The following FBXO36 variants were observed in gnomAD, a reference collection of about 807,000 sequenced individuals.
The protein encoded by FBXO36 is F-box only protein 36.
FBXO36 carries 18 observed loss-of-function variants against 17.0 expected under a neutral mutation model. The ratio of observed to expected loss-of-function variants is 1.06; its 90% CI spans 0.73 to 1.57. The LOEUF is 1.57. Among genes scored for constraint, FBXO36 ranks in the 40% most tolerant of loss-of-function variants. FBXO36 has a pLI of 0.00. For missense variants in FBXO36, 229 were observed against 221.9 expected, an observed-to-expected ratio of 1.03 and a Z score of -0.20; for synonymous variants, 83 against 85.3, an observed-to-expected ratio of 0.97 and a Z score of 0.15.
intron 2 of FBXO36, among the ~76,000 whole-genome samples, chr2:229,990,407 G>C (rs1366576947): frequency 4.0e-5 from 6 of 151,622 alleles, no homozygotes; most frequent in African/African-American, 1.5e-4. Context: ...TCAGGTTAAG[G>C]ATGTTCCCTT....
intron 1 of FBXO36, among the ~76,000 whole-genome samples, chr2:229,924,833 A>G (rs2076899069): frequency 6.6e-6 from 1 of 151,606 alleles, no homozygotes; most frequent in African/African-American, 2.4e-5. Flanking sequence ...CAGTGGCTCA[A>G]TCTCAGCTCA....
chr2:229,989,176 T>C (rs2077285584), intron 2 of FBXO36, among the ~76,000 whole-genome samples: 1 of 152,228 alleles, frequency 6.6e-6, no homozygotes, highest in African/African-American at 2.4e-5. Context: ...TTCTTGACTT[T>C]CGTCAACTTT....
chr2:229,987,083 G>T (rs1256556672), intron 2 of FBXO36, among the ~76,000 whole-genome samples: 1 of 151,550 alleles, frequency 6.6e-6, no homozygotes, highest in Non-Finnish European at 1.5e-5. Context: ...AGCCAGGCGT[G>T]TTGGCGCACA....
At chr2:229,951,562 A>G (rs887193265) in intron 1 of FBXO36, among the ~76,000 whole-genome samples, 1 of 152,222 alleles carries the variant, frequency 6.6e-6, no homozygotes, top group Non-Finnish European at 1.5e-5. Flanking sequence ...TTTTTTGTAA[A>G]GCATTAAAGC....
intron 1 of FBXO36, among the ~76,000 whole-genome samples, chr2:229,933,643 C>T (rs2076950214): frequency 6.6e-6 from 1 of 152,112 alleles, no homozygotes; most frequent in African/African-American, 2.4e-5. Flanking sequence ...AAAGCTTGAG[C>T]TCAAGAGTTG....
At position 230,010,624 on chromosome 2, in the gene FBXO36, C is replaced by G. The variant is rs2077410667; in HGVS notation, c.379-72C>G. 4 of 1,385,596 alleles carry G rather than the reference C, an allele frequency of 2.9e-6. No homozygotes were observed. The South Asian group carries it at 4.4e-5, about 15-fold the overall frequency. 85.8% of individuals were successfully genotyped at this position (1,385,596 alleles called of 1,614,324 possible). A position where few individuals can be genotyped will look rare whatever the true frequency, so the allele number is the denominator to read the frequency against. ...CAGGTAGTGTTTCTCCAGTGTCCCA[C>G]AGGCAGCAAGAGTTTGATAATGAGT... On this transcript the variant is annotated intron_variant, in intron 3 of 3. Coordinates refer to ENST00000283946, the MANE Select transcript of FBXO36 (RefSeq NM_174899.5).
chr2:229,988,397 A>T (rs969563069), intron 2 of FBXO36, among the ~76,000 whole-genome samples: 30 of 152,160 alleles, frequency 2.0e-4, no homozygotes, highest in Non-Finnish European at 2.9e-5. Flanking sequence ...AAATATGTTT[A>T]TATTCTGGTA....
At chr2:229,986,300 C>T (rs902535118) in intron 2 of FBXO36, among the ~76,000 whole-genome samples, 6 of 151,942 alleles carry the variant, frequency 3.9e-5, no homozygotes, top group African/African-American at 1.5e-4. Flanking sequence ...AAGCAGTTCA[C>T]GACCAGTCTG....
intron 1 of FBXO36, among the ~76,000 whole-genome samples, chr2:229,931,162 A>C (rs555590413): frequency 6.6e-6 from 1 of 152,318 alleles, no homozygotes; most frequent in African/African-American, 2.4e-5. Flanking sequence ...TAAGGTGATT[A>C]AACTCTTAAA....
rs73103569 is a variant in FBXO36 at position 229,955,841 on chromosome 2, A to G, written c.97-20400A>G. Among the ~76,000 whole-genome samples, 845 of 152,336 alleles carry G rather than the reference A, an allele frequency of 5.5e-3. 11 individuals carry two copies. The highest frequency in any genetic ancestry group is 0.018 in the African/African-American group (758 of 41,578). On this transcript the variant is annotated intron_variant, in intron 1 of 3. Transcript: ENST00000283946. ...AAAGTTAAGGCTTTCTGTCATTCCT[A>G]TAAGGTCACATGTTTAACAGGTTTA...
chr2:229,946,724 A>G (rs771582611), intron 1 of FBXO36, among the ~76,000 whole-genome samples: 1 of 152,222 alleles, frequency 6.6e-6, no homozygotes, highest in Non-Finnish European at 1.5e-5. Flanking sequence ...CTTCTAATGT[A>G]AGCTGTGTAG....
At chr2:229,926,125 TAAAA>T (rs34162848) in intron 1 of FBXO36, among the ~76,000 whole-genome samples, 1 of 103,450 alleles carries the variant, frequency 9.7e-6, no homozygotes, top group Non-Finnish European at 2.0e-5. Context: ...CCCCTTCTCT[TAAAA>T]AAAAAAAAAA....
intron 2 of FBXO36, among the ~76,000 whole-genome samples, chr2:229,981,701 CAAAAAAAA>C (rs11326626): frequency 9.7e-6 from 1 of 103,202 alleles, no homozygotes; most frequent in African/African-American, 3.7e-5. Context: ...GACCCTGTCT[CAAAAAAAA>C]AAAAAAAAGA....
At chr2:229,927,554 T>C (rs2076919518) in intron 1 of FBXO36, among the ~76,000 whole-genome samples, 1 of 152,136 alleles carries the variant, frequency 6.6e-6, no homozygotes, top group African/African-American at 2.4e-5. Flanking sequence ...AATAATGGTA[T>C]GCTAAGTAGA....
intron 2 of FBXO36, among the ~76,000 whole-genome samples, chr2:229,995,879 T>G (rs2077324482): frequency 6.6e-6 from 1 of 151,272 alleles, no homozygotes; most frequent in South Asian, 2.1e-4. Context: ...GGGGTGAGCC[T>G]CCGTGCCCAG....
At chr2:229,939,624 G>A (rs1477143070) in intron 1 of FBXO36, among the ~76,000 whole-genome samples, 3 of 151,910 alleles carry the variant, frequency 2.0e-5, no homozygotes, top group African/African-American at 7.2e-5. Context: ...AAAAGAGAGA[G>A]AAATAGATTG....
chr2:229,923,990 T>C (rs1001671870), intron 1 of FBXO36, among the ~76,000 whole-genome samples: 8 of 151,666 alleles, frequency 5.3e-5, no homozygotes, highest in African/African-American at 1.9e-4. Flanking sequence ...GTGATCCGCC[T>C]GCCTCGGCCT....
At chr2:229,957,148 G>C (rs2077092701) in intron 1 of FBXO36, among the ~76,000 whole-genome samples, 1 of 152,146 alleles carries the variant, frequency 6.6e-6, no homozygotes, top group Non-Finnish European at 1.5e-5. Flanking sequence ...GTGCTTTAGT[G>C]GATATTCTTT....
At chr2:229,961,478 C>T (rs35484873) in intron 1 of FBXO36, among the ~76,000 whole-genome samples, 38,051 of 151,942 alleles carry the variant, frequency 0.25, 5,883 homozygotes, top group Middle Eastern at 0.42. Context: ...CAGGTTCAAG[C>T]GATTCTCCTG....
Sources: allele counts gnomAD v4.1 joint callset (sites outside exome capture counted in the v4.1 genomes callset), GRCh38; gene constraint gnomAD v4.1.1; transcripts MANE v1.5; gene names NCBI Gene and HGNC (gene_info 2026-07-23, HGNC 2026-07-21).